Variants in ITPK1 observed in about 807,000 individuals in gnomAD.
ITPK1 encodes the protein inositol 1,3,4-trisphosphate 5/6-kinase.
In ITPK1, 21 loss-of-function variants were observed where a neutral mutation model predicts 45.3. The observed-to-expected ratio is 0.46, with a 90% CI of 0.33 to 0.67. The LOEUF (loss-of-function observed/expected upper bound fraction) is 0.67. Ranked by LOEUF, ITPK1 falls within the 30% of genes least tolerant of loss-of-function variation. The probability of loss-of-function intolerance (pLI) is 0.02; values close to 1 mark genes in which losing one functional copy is unlikely to be tolerated. For synonymous variants in ITPK1, 258 were observed against 253.6 expected (o/e 1.02, Z -0.16); for missense variants, 474 against 573.5 (o/e 0.83, Z 1.77).
chr14:92,940,199 T>A lies in ITPK1; in HGVS notation c.*1362A>T. 5.1e-6 allele frequency: 5 copies of A among 985,898 alleles called. No individual in the cohort carries two copies. The South Asian group carries it at 2.3e-4, about 46-fold the overall frequency. 61.1% of individuals were successfully genotyped at this position (985,898 alleles called of 1,614,324 possible). On this transcript the variant is annotated 3_prime_UTR_variant, in exon 11 of 11. Transcript: ENST00000267615. ...TCAGCACTTTCTCTAGCGTCCTCCA[T>A]CTCACTGGGCAGAGGACAGCCCGGA...
chr14:93,107,363 A>C (rs888898394), intron 2 of ITPK1, among the ~76,000 whole-genome samples: 10 of 152,354 alleles, frequency 6.6e-5, no homozygotes, highest in Admixed American at 1.3e-4. Flanking sequence ...CCAACTACTT[A>C]AAAACAAGAC....
At chr14:93,091,620 T>G (rs879862299) in intron 2 of ITPK1, among the ~76,000 whole-genome samples, 2 of 152,176 alleles carry the variant, frequency 1.3e-5, no homozygotes, top group Admixed American at 6.5e-5. Context: ...AATAGCACGG[T>G]GGCTGGGCAT....
At chr14:93,078,602 C>T (rs572740447) in intron 2 of ITPK1, among the ~76,000 whole-genome samples, 181 of 152,278 alleles carry the variant, frequency 1.2e-3, no homozygotes, top group African/African-American at 4.2e-3. Context: ...TCTGCTTCCA[C>T]GGTTTCATGA....
intron 9 of ITPK1, among the ~76,000 whole-genome samples, chr14:92,948,856 G>A (rs887338580): frequency 1.2e-4 from 12 of 100,986 alleles, no homozygotes; most frequent in Admixed American, 6.0e-4. Flanking sequence ...TCCGGGCGCC[G>A]CCCACGCTCC....
rs1459865253 is a variant in ITPK1, at chr14:93,012,087, C to G, written c.246+4589G>C. Among the ~76,000 whole-genome samples the G allele has an allele frequency of 6.6e-6, 1 of 152,182 alleles. No individual in the cohort carries two copies. The highest frequency in any genetic ancestry group is 1.5e-5 in the Non-Finnish European group (1 of 68,038). Reference sequence around the variant, plus strand: ...GCCCAGCAGAGCCACGTCCTCCCTCCGCAAGGCCATCAGGGCACCCCATGA... The same window carrying G: ...GCCCAGCAGAGCCACGTCCTCCCTCGGCAAGGCCATCAGGGCACCCCATGA... On this transcript the variant is annotated intron_variant, in intron 4 of 10. Transcript: ENST00000267615. This position sits in a 1 kb window ranked among gnomAD's most constrained non-coding sequence, Gnocchi z 4.9.
chr14:93,054,873 T>C (rs924702195), intron 3 of ITPK1, among the ~76,000 whole-genome samples: 4 of 152,186 alleles, frequency 2.6e-5, no homozygotes, highest in Admixed American at 2.0e-4. Flanking sequence ...AGGAAGGACA[T>C]GCCATAAGTG....
In ITPK1 at chr14:93,088,486, G is replaced by A. The variant is rs79618401; in HGVS notation, c.96-11867C>T. Among the ~76,000 whole-genome samples the A allele has an allele frequency of 6.9e-3, 1,045 of 151,990 alleles. 15 individuals are homozygous for A. Among genetic ancestry groups the A allele is most frequent in the African/African-American group, 0.023 (960 of 41,452 alleles). On this transcript the variant is annotated intron_variant, in intron 2 of 10. Coordinates refer to ENST00000267615, the MANE Select transcript of ITPK1 (RefSeq NM_014216.6). ...CAGGAGCTACTTGGCCACCCAAGTA[G>A]CTGGGACTACAGTCGTGCGCCACCA... is the stretch of plus-strand genomic sequence containing the variant.
At chr14:93,033,916 G>A (rs1283693195) in intron 3 of ITPK1, among the ~76,000 whole-genome samples, 1 of 152,094 alleles carries the variant, frequency 6.6e-6, no homozygotes, top group African/African-American at 2.4e-5. Flanking sequence ...AGAGAAGCAG[G>A]ACTGCACAGC....
chr14:92,967,009 G>A (rs937472836), intron 5 of ITPK1, among the ~76,000 whole-genome samples: 2 of 152,202 alleles, frequency 1.3e-5, no homozygotes, highest in Non-Finnish European at 2.9e-5. Flanking sequence ...ACATAGATGT[G>A]AACCTTCATG....
At chr14:93,095,899 C>T (rs530399898) in intron 2 of ITPK1, among the ~76,000 whole-genome samples, 2 of 152,288 alleles carry the variant, frequency 1.3e-5, no homozygotes, top group South Asian at 4.1e-4. Context: ...CCTCCAGCTG[C>T]ATCCATGTTG....
At position 93,016,863 on chromosome 14, in the gene ITPK1, C is replaced by A. The variant is rs1453747680; in HGVS notation, c.121-62G>T. ...CAGCACCTGAGTCCACTGCCCCCATCCTCTTGTCCACCCTGGGGCATATCA... is the reference window on the plus strand; with the variant it reads ...CAGCACCTGAGTCCACTGCCCCCATACTCTTGTCCACCCTGGGGCATATCA... On this transcript the variant is annotated intron_variant, in intron 3 of 10. Coordinates refer to ENST00000267615, the MANE Select transcript of ITPK1 (RefSeq NM_014216.6). This position sits in a 1 kb window ranked among gnomAD's most constrained non-coding sequence, Gnocchi z 5.0. The A allele has an allele frequency of 1.3e-6, 2 of 1,596,808 alleles. No individual in the cohort carries two copies. The highest frequency in any genetic ancestry group is 1.7e-6 in the Non-Finnish European group (2 of 1,171,090).
chr14:93,078,451 T>C (rs2139987028), intron 2 of ITPK1, among the ~76,000 whole-genome samples: 1 of 152,234 alleles, frequency 6.6e-6, no homozygotes, highest in Non-Finnish European at 1.5e-5. Flanking sequence ...CCAGCCCACC[T>C]TCCCTCAAAC....
At chr14:92,979,587 T>C (rs1046720104) in intron 5 of ITPK1, among the ~76,000 whole-genome samples, 2 of 152,176 alleles carry the variant, frequency 1.3e-5, no homozygotes, top group Admixed American at 6.5e-5. Context: ...GTTCATGTGA[T>C]AGTAAGTTCT....
intron 3 of ITPK1, among the ~76,000 whole-genome samples, chr14:93,051,385 G>A (rs1409724341): frequency 6.6e-6 from 1 of 152,336 alleles, no homozygotes; most frequent in African/African-American, 2.4e-5. Flanking sequence ...GAAGGCCAAG[G>A]CGGGCGGATC....
At chr14:92,969,369 G>A (rs1885536228) in intron 5 of ITPK1, among the ~76,000 whole-genome samples, 2 of 151,706 alleles carry the variant, frequency 1.3e-5, no homozygotes. Flanking sequence ...AACATGGTGA[G>A]GGGCACCTTC....
intron 2 of ITPK1, among the ~76,000 whole-genome samples, chr14:93,098,189 G>C (rs942479294): frequency 6.6e-6 from 1 of 151,786 alleles, no homozygotes; most frequent in African/African-American, 2.4e-5. Context: ...GGGTGCGGTG[G>C]TTCATGCCTG....
At chr14:93,056,560 G>A (rs1890222780) in intron 3 of ITPK1, among the ~76,000 whole-genome samples, 1 of 152,206 alleles carries the variant, frequency 6.6e-6, no homozygotes, top group Admixed American at 6.5e-5. Flanking sequence ...ACCAAGAGGG[G>A]TGCAGTGATG....
At chr14:93,011,027 T>C (rs936018998) in intron 4 of ITPK1, among the ~76,000 whole-genome samples, 1 of 152,240 alleles carries the variant, frequency 6.6e-6, no homozygotes, top group Non-Finnish European at 1.5e-5. Flanking sequence ...CAAATTTTAA[T>C]TAGTTTAATG....
intron 5 of ITPK1, among the ~76,000 whole-genome samples, chr14:92,986,814 T>A (rs1479756621): frequency 2.0e-5 from 3 of 152,120 alleles, no homozygotes; most frequent in Non-Finnish European, 4.4e-5. Flanking sequence ...TCCTGCAGGG[T>A]GCCAGCCAGT....
Sources: gnomAD v4.1 joint callset for allele counts (sites outside exome capture counted in the v4.1 genomes callset) on GRCh38, gnomAD v4.1.1 for gene constraint, Gnocchi (gnomAD v3.1) non-coding constraint, MANE v1.5 for transcripts, NCBI Gene and HGNC (gene_info 2026-07-23, HGNC 2026-07-21) for gene names.